KIAA1328: variants seen among roughly 807,000 people sequenced by gnomAD.
The protein encoded by KIAA1328 is protein hinderin.
Under a neutral mutation model 68.1 loss-of-function variants are expected in KIAA1328, and 52 were observed. That is an observed-to-expected ratio of 0.76 (90% CI 0.61 to 0.96). The LOEUF (loss-of-function observed/expected upper bound fraction) is 0.96. Among genes scored for constraint, KIAA1328 ranks in the 40% least tolerant of loss-of-function variants. KIAA1328 has a pLI of 0.00. For synonymous variants in KIAA1328, 232 were observed against 239.4 expected (o/e 0.97, Z 0.28); for missense variants, 641 against 677.6 (o/e 0.95, Z 0.60).
chr18:37,216,164 T>G lies in KIAA1328; in HGVS notation c.1524-5853T>G, dbSNP rs559973566. On this transcript the variant is annotated intron_variant, in intron 9 of 9. Transcript: ENST00000280020. ...ATCTCCTTCAGTTGTCCTCTGATCTTAGTTGTTTCTTGCTTTCTGCTAGGT... is the reference window on the plus strand; with the variant it reads ...ATCTCCTTCAGTTGTCCTCTGATCTGAGTTGTTTCTTGCTTTCTGCTAGGT... Among the ~76,000 whole-genome samples the G allele has an allele frequency of 2.6e-5, 4 of 152,338 alleles. No individual in the cohort carries two copies. The South Asian group carries it at 8.3e-4, about 32-fold the overall frequency.
intron 6 of KIAA1328, among the ~76,000 whole-genome samples, chr18:37,049,219 C>T (rs1260599450): frequency 1.1e-4 from 17 of 152,036 alleles, no homozygotes; most frequent in Admixed American, 1.0e-3. Context: ...TGTCATGGAA[C>T]AGGATGAAAA....
intron 4 of KIAA1328, among the ~76,000 whole-genome samples, chr18:36,852,409 A>T (rs192953927): frequency 3.8e-4 from 58 of 152,306 alleles, no homozygotes; most frequent in Non-Finnish European, 7.9e-4. Context: ...TGTTTCTTAT[A>T]AAGGCAGAAT....
At chr18:37,204,581 C>T (rs2060180041) in intron 9 of KIAA1328, among the ~76,000 whole-genome samples, 1 of 152,156 alleles carries the variant, frequency 6.6e-6, no homozygotes, top group Non-Finnish European at 1.5e-5. Flanking sequence ...GCTAAAGTCT[C>T]ACATGGCCAA....
intron 8 of KIAA1328, among the ~76,000 whole-genome samples, chr18:37,170,901 G>T (rs2059487704): frequency 6.6e-6 from 1 of 152,132 alleles, no homozygotes; most frequent in Non-Finnish European, 1.5e-5. Context: ...TAGAGAGGGG[G>T]CTAGGACCAG....
chr18:36,835,092 A>T, intron 2 of KIAA1328, 142 bp from the exon 3 acceptor site: 1 of 546,000 alleles, frequency 1.8e-6, no homozygotes. Flanking sequence ...ATATATTAAG[A>T]GCTTTAAAAT....
At chr18:37,083,717 C>A (rs1297047721) in intron 7 of KIAA1328, among the ~76,000 whole-genome samples, 1 of 152,146 alleles carries the variant, frequency 6.6e-6, no homozygotes, top group Non-Finnish European at 1.5e-5. Context: ...GAAGTGGGTG[C>A]TTCCCATATA....
chr18:37,160,057 A>C (rs1487704020), intron 7 of KIAA1328, 143 bp from the exon 8 acceptor site: 2 of 610,470 alleles, frequency 3.3e-6, no homozygotes, highest in African/African-American at 3.8e-5. Flanking sequence ...CGTTGAGTAA[A>C]TTATTTAAAT....
intron 9 of KIAA1328, among the ~76,000 whole-genome samples, chr18:37,207,254 A>G (rs759081381): frequency 5.3e-5 from 8 of 152,056 alleles, no homozygotes; most frequent in East Asian, 1.9e-4. Flanking sequence ...CTTTTTTCCA[A>G]TTGTGCATGC....
Position 37,201,443 on chromosome 18 carries a change from C to T in KIAA1328, c.1524-20574C>T, listed in dbSNP as rs939100306. Among the ~76,000 whole-genome samples, 5 of 152,076 alleles carry T rather than the reference C, an allele frequency of 3.3e-5. No individual in the cohort carries two copies. The East Asian group carries it at 9.7e-4, about 29-fold the overall frequency. On this transcript the variant is annotated intron_variant, in intron 9 of 9. Coordinates refer to ENST00000280020, the MANE Select transcript of KIAA1328 (RefSeq NM_020776.3). ...ATAAAAGCAGGGCTGGAATCTATAA[C>T]AGGTATGTTATAGTTTTCTTCTGAA...
intron 9 of KIAA1328, among the ~76,000 whole-genome samples, chr18:37,214,580 T>G (rs921240926): frequency 6.6e-6 from 1 of 152,114 alleles, no homozygotes; most frequent in Admixed American, 6.5e-5. Flanking sequence ...AAGTCAGGTA[T>G]CGTGATGCCT....
chr18:37,055,451 G>T (rs2055871162), intron 6 of KIAA1328, among the ~76,000 whole-genome samples: 1 of 152,184 alleles, frequency 6.6e-6, no homozygotes, highest in Non-Finnish European at 1.5e-5. Context: ...TGCTTAGAAG[G>T]TAATCTACCT....
At chr18:36,909,854 G>T (rs1286517881) in intron 5 of KIAA1328, among the ~76,000 whole-genome samples, 2 of 152,262 alleles carry the variant, frequency 1.3e-5, no homozygotes, top group East Asian at 1.9e-4. Context: ...ATCTTGTTGT[G>T]GCTTTGATTT....
chr18:36,892,465 T>C (rs2048722404), intron 5 of KIAA1328, among the ~76,000 whole-genome samples: 1 of 152,206 alleles, frequency 6.6e-6, no homozygotes, highest in Non-Finnish European at 1.5e-5. Context: ...TTGATGAATC[T>C]TGGCCTTTTT....
intron 7 of KIAA1328, among the ~76,000 whole-genome samples, chr18:37,109,710 C>A (rs1251689445): frequency 6.6e-6 from 1 of 152,168 alleles, no homozygotes; most frequent in Non-Finnish European, 1.5e-5. Context: ...ACTTTATCTG[C>A]TGCACGTGAA....
intron 4 of KIAA1328, among the ~76,000 whole-genome samples, chr18:36,853,026 T>C (rs1356832170): frequency 6.6e-6 from 1 of 152,234 alleles, no homozygotes; most frequent in African/African-American, 2.4e-5. Context: ...TCTTGAGGAA[T>C]TGACTCTCTC....
At chr18:36,953,368 A>G (rs2051245879) in intron 5 of KIAA1328, among the ~76,000 whole-genome samples, 1 of 122,806 alleles carries the variant, frequency 8.1e-6, no homozygotes, top group Admixed American at 1.0e-4. Context: ...GCCAATGCCA[A>G]CAACTATAGA....
chr18:36,859,675 C>T (rs2047496963), intron 4 of KIAA1328, among the ~76,000 whole-genome samples: 1 of 151,858 alleles, frequency 6.6e-6, no homozygotes, highest in Non-Finnish European at 1.5e-5. Context: ...GTCTTGAACC[C>T]CTGGGCTCAA....
intron 7 of KIAA1328, among the ~76,000 whole-genome samples, chr18:37,143,521 C>CTTTTTTTTT (rs57046567): frequency 1.4e-3 from 128 of 90,752 alleles, no homozygotes; most frequent in Non-Finnish European, 2.1e-3. Context: ...TTTTTTCTTT[C>CTTTTTTTTT]TTTTTTTTTT....
intron 9 of KIAA1328, among the ~76,000 whole-genome samples, chr18:37,213,262 T>G (rs1283862901): frequency 6.6e-6 from 1 of 152,218 alleles, no homozygotes. Flanking sequence ...ACTCGTCATT[T>G]ACATTAGGTA....
Sources: allele counts gnomAD v4.1 joint callset (sites outside exome capture counted in the v4.1 genomes callset), GRCh38; gene constraint gnomAD v4.1.1; transcripts MANE v1.5; gene names NCBI Gene and HGNC (gene_info 2026-07-23, HGNC 2026-07-21).